Variants in ZIM2 observed in about 807,000 individuals in gnomAD.
The protein encoded by ZIM2 is zinc finger imprinted 2.
A neutral mutation model predicts 38.6 loss-of-function variants in ZIM2; 14 were observed. That is an observed-to-expected ratio of 0.36 (90% confidence interval 0.24 to 0.57). The LOEUF (loss-of-function observed/expected upper bound fraction) is 0.57. Ranked by LOEUF, ZIM2 falls within the 20% of genes least tolerant of loss-of-function variation. The pLI is 0.81. For synonymous variants in ZIM2, 247 were observed against 245.8 expected, an observed-to-expected ratio of 1.00 and a Z score of -0.04; for missense variants, 680 against 695.1, an observed-to-expected ratio of 0.98 and a Z score of 0.24.
intron 10 of ZIM2, among the ~76,000 whole-genome samples, chr19:56,782,818 G>C (rs1321642296): frequency 6.6e-6 from 1 of 152,044 alleles, no homozygotes; most frequent in African/African-American, 2.4e-5. Flanking sequence ...ACATCGTGGG[G>C]AATGGGGTAT....
At chr19:56,800,801 C>A (rs943937478) in intron 9 of ZIM2, among the ~76,000 whole-genome samples, 7 of 150,670 alleles carry the variant, frequency 4.6e-5, no homozygotes, top group Non-Finnish European at 1.0e-4. Context: ...AGTTCATGAT[C>A]AAGTCTGTGG....
chr19:56,795,091 G>A (rs1051868856), intron 9 of ZIM2, among the ~76,000 whole-genome samples: 10 of 151,952 alleles, frequency 6.6e-5, no homozygotes, highest in African/African-American at 2.4e-4. Flanking sequence ...GTCTCGCTCA[G>A]TCGCCCAGGC....
chr19:56,806,093 T>G (rs573135620), intron 9 of ZIM2, among the ~76,000 whole-genome samples: 3 of 152,248 alleles, frequency 2.0e-5, no homozygotes, highest in East Asian at 1.9e-4. Flanking sequence ...TATAATAGAG[T>G]GTGCAAATGA....
At chr19:56,812,418 AT>A (rs34297427) in intron 9 of ZIM2, 76,739 of 692,524 alleles carry the variant, frequency 0.11, no homozygotes, top group Non-Finnish European at 0.12. Context: ...ACTGTAAAGA[AT>A]TTTTTTTTTT....
At chr19:56,825,260 A>C (rs992390992) in intron 3 of ZIM2, among the ~76,000 whole-genome samples, 1 of 152,242 alleles carries the variant, frequency 6.6e-6, no homozygotes, top group Non-Finnish European at 1.5e-5. Context: ...CACAGTATAC[A>C]ACATGTAAAA....
At chr19:56,786,003 C>T (rs945792576) in intron 10 of ZIM2, among the ~76,000 whole-genome samples, 2 of 152,028 alleles carry the variant, frequency 1.3e-5, no homozygotes, top group Non-Finnish European at 2.9e-5. Flanking sequence ...CAAAAGAAAC[C>T]CTGCACCTTC....
chr19:56,822,655 A>G, intron 6 of ZIM2, 98 bp downstream of exon 6: 1 of 1,501,890 alleles, frequency 6.7e-7, no homozygotes, highest in Non-Finnish European at 9.1e-7. Context: ...CTCCAAATGG[A>G]GCAGCAGAAA....
At chr19:56,804,601 C>T (rs1463410607) in intron 9 of ZIM2, among the ~76,000 whole-genome samples, 1 of 152,212 alleles carries the variant, frequency 6.6e-6, no homozygotes, top group Non-Finnish European at 1.5e-5. Flanking sequence ...GTTGTTATTT[C>T]TCCATTTTAC....
chr19:56,780,380 A>G (rs1426139123), intron 11 of ZIM2, among the ~76,000 whole-genome samples: 2 of 151,524 alleles, frequency 1.3e-5, no homozygotes, highest in African/African-American at 4.8e-5. Flanking sequence ...GTAGCTGGGA[A>G]TACAGGCGCC....
intron 10 of ZIM2, 177 bp from the exon 11 acceptor site, chr19:56,782,298 T>G (rs551806005): frequency 2.5e-6 from 2 of 811,612 alleles, no homozygotes; most frequent in African/African-American, 3.5e-5. Context: ...CAGTTCCTAT[T>G]GCTAATTACT....
intron 2 of ZIM2, among the ~76,000 whole-genome samples, chr19:56,832,822 A>G (rs1198793269): frequency 2.0e-5 from 3 of 152,228 alleles, no homozygotes; most frequent in Non-Finnish European, 4.4e-5. Context: ...CTCTGTATAC[A>G]GAACAAGCCT....
chr19:56,780,606 C>A (rs556118648), intron 11 of ZIM2, among the ~76,000 whole-genome samples: 11 of 152,006 alleles, frequency 7.2e-5, no homozygotes, highest in African/African-American at 1.9e-4. Context: ...ATGTCACTCA[C>A]ACACACACAC....
Position 56,774,992 on chromosome 19 carries a change from A to T in ZIM2, c.1373T>A (p.Leu458His), listed in dbSNP as rs2045927103. Residue 458 changes from leucine to histidine, a missense_variant, in exon 13 of 13, where the codon CTT (leucine) becomes CAT (histidine). Leu to His is a moderately conservative substitution (Grantham distance 99). Transcript: ENST00000629319. Reference protein sequence around the residue: ...CGKAFLQNVHLLQHLKAHEAA... With the variant: ...CGKAFLQNVHHLQHLKAHEAA... ...CTCATGGGCTTTGAGATGTTGAAGAAGATGCACATTCTGGAGAAAAGCTTT... is the reference window on the plus strand; with the variant it reads ...CTCATGGGCTTTGAGATGTTGAAGATGATGCACATTCTGGAGAAAAGCTTT... 1.9e-6 allele frequency: 3 copies of T among 1,614,220 alleles called. No homozygotes were observed. Among genetic ancestry groups the T allele is most frequent in the Non-Finnish European group, 1.7e-6 (2 of 1,180,044 alleles).
At chr19:56,818,868 G>A (rs751380859) in intron 7 of ZIM2, among the ~76,000 whole-genome samples, 166 bp from the exon 8 acceptor site, 4 of 152,314 alleles carry the variant, frequency 2.6e-5, no homozygotes, top group Admixed American at 6.5e-5. Flanking sequence ...GACCTACGTC[G>A]TACCTACCTT....
chr19:56,836,163 A>AG (rs1473505172), intron 1 of ZIM2, 59 bp from the exon 2 acceptor site: 5 of 434,616 alleles, frequency 1.2e-5, no homozygotes, highest in South Asian at 3.3e-5. Context: ...TGGGTTCCTC[A>AG]GGGGGGAACA....
intron 7 of ZIM2, among the ~76,000 whole-genome samples, chr19:56,819,298 T>G (rs1418299573): frequency 6.6e-6 from 1 of 152,224 alleles, no homozygotes; most frequent in Admixed American, 6.5e-5. Flanking sequence ...GTCTCCAGTT[T>G]GCACAATTTC....
chr19:56,818,834 T>A, intron 7 of ZIM2, 132 bp from the exon 8 acceptor site: 1 of 1,032,704 alleles, frequency 9.7e-7, no homozygotes, highest in Non-Finnish European at 1.4e-6. Context: ...GGGTTCTGAG[T>A]GATCCAAGTC....
chr19:56,815,239 G>A lies in ZIM2; in HGVS notation c.490+2507C>T, dbSNP rs372077872. The stretch of plus-strand genomic sequence containing the variant: ...CTCGCTGTGGGTCTCCTCCCCATCA[G>A]TATTCTCGCCTTGAGACTCCTCGCC... On this transcript the variant is annotated intron_variant, in intron 9 of 12. Transcript: ENST00000629319. The A allele has an allele frequency of 4.4e-5, 71 of 1,614,180 alleles. No homozygotes were observed. Among genetic ancestry groups the A allele is most frequent in the Non-Finnish European group, 5.9e-5 (70 of 1,180,024 alleles).
chr19:56,828,180 G>A (rs963226415), intron 2 of ZIM2, among the ~76,000 whole-genome samples: 1 of 152,006 alleles, frequency 6.6e-6, no homozygotes, highest in Non-Finnish European at 1.5e-5. Context: ...TCCCCGCATC[G>A]CCTCCCTATC....
Sources: gnomAD v4.1 joint callset for allele counts (sites outside exome capture counted in the v4.1 genomes callset) on GRCh38, gnomAD v4.1.1 for gene constraint, MANE v1.5 for transcripts, NCBI Gene and HGNC (gene_info 2026-07-23, HGNC 2026-07-21) for gene names.